DLG2: variants seen among roughly 807,000 people sequenced by gnomAD.
DLG2 encodes the protein discs large MAGUK scaffold protein 2.
Under a neutral mutation model 132.5 loss-of-function variants are expected in DLG2, and 45 were observed. The ratio of observed to expected loss-of-function variants is 0.34; its 90% CI spans 0.27 to 0.44. The LOEUF (loss-of-function observed/expected upper bound fraction) is 0.44, where lower values mean the gene tolerates loss of function less well. Among genes scored for constraint, DLG2 ranks in the 20% least tolerant of loss-of-function variants. The probability of loss-of-function intolerance (pLI) is 1.00; values close to 1 mark genes in which losing one functional copy is unlikely to be tolerated. For synonymous variants in DLG2, 424 were observed against 419.6 expected (o/e 1.01, Z -0.13); for missense variants, 1,045 against 1,196.9 (o/e 0.87, Z 1.87).
chr11:83,880,887 G>C (rs573774983), intron 15 of DLG2, among the ~76,000 whole-genome samples: 1 of 152,176 alleles, frequency 6.6e-6, no homozygotes, highest in Admixed American at 6.5e-5. Flanking sequence ...GATATTCCTT[G>C]CATCTTCAAC....
At chr11:84,542,373 T>A (rs565014433) in intron 6 of DLG2, among the ~76,000 whole-genome samples, 4 of 152,174 alleles carry the variant, frequency 2.6e-5, no homozygotes, top group Non-Finnish European at 5.9e-5. Context: ...AGCCTGACAT[T>A]AAAAAACTTG....
At chr11:84,766,147 G>C (rs2068383026) in intron 6 of DLG2, among the ~76,000 whole-genome samples, 1 of 151,976 alleles carries the variant, frequency 6.6e-6, no homozygotes, top group Admixed American at 6.6e-5. Context: ...TTGTGGAGAT[G>C]AACAGTTGAA....
intron 4 of DLG2, among the ~76,000 whole-genome samples, chr11:85,190,653 C>T (rs2080453666): frequency 6.6e-6 from 1 of 152,082 alleles, no homozygotes; most frequent in African/African-American, 2.4e-5. Flanking sequence ...TCCAAATAAA[C>T]ACAATCAGAA....
chr11:84,421,860 A>C (rs1190194584), intron 7 of DLG2, among the ~76,000 whole-genome samples: 1 of 152,100 alleles, frequency 6.6e-6, no homozygotes, highest in Non-Finnish European at 1.5e-5. Context: ...CTCGGAATGA[A>C]TCCCTCACCG....
rs111370302 is a variant in DLG2 at position 84,372,195 on chromosome 11, T to C, written c.520-120904A>G. On this transcript the variant is annotated intron_variant, in intron 7 of 27. Coordinates refer to ENST00000376104, the MANE Select transcript of DLG2 (RefSeq NM_001142699.3). ...TGGTAATGATGGAATCCAATCCAAT[T>C]AGAATTTTTAAAATTCAGAAAGCAT... Among the ~76,000 whole-genome samples the C allele has an allele frequency of 3.3e-5, 5 of 152,332 alleles. 1 individual carries two copies. Among genetic ancestry groups the C allele is most frequent in the African/African-American group, 1.2e-4 (5 of 41,602 alleles).
At chr11:85,000,040 C>A (rs1428666158) in intron 6 of DLG2, among the ~76,000 whole-genome samples, 1 of 151,964 alleles carries the variant, frequency 6.6e-6, no homozygotes, top group Non-Finnish European at 1.5e-5. Flanking sequence ...GTTAACTGAG[C>A]ATTATGTCTC....
chr11:85,182,927 G>T (rs1281546211), intron 4 of DLG2, among the ~76,000 whole-genome samples: 1 of 150,354 alleles, frequency 6.7e-6, no homozygotes, highest in African/African-American at 2.4e-5. Flanking sequence ...CACCCTAGTG[G>T]CCTGACAGAG....
Position 84,937,829 on chromosome 11 carries a change from A to G in DLG2, c.357+173832T>C, listed in dbSNP as rs181307313. On this transcript the variant is annotated intron_variant, in intron 6 of 27. Coordinates refer to ENST00000376104, the MANE Select transcript of DLG2 (RefSeq NM_001142699.3). ...TAGAAAATCTATAATATTTTGACAT[A>G]CTAGAAATATGACTAGTCTTAAAAG... is the stretch of plus-strand genomic sequence containing the variant. Among the ~76,000 whole-genome samples the G allele has an allele frequency of 2.1e-3, 316 of 152,314 alleles. 2 individuals are homozygous for G. Among genetic ancestry groups the G allele is most frequent in the African/African-American group, 7.5e-3 (310 of 41,570 alleles).
At chr11:84,189,788 A>C (rs1470879092) in intron 8 of DLG2, among the ~76,000 whole-genome samples, 1 of 152,154 alleles carries the variant, frequency 6.6e-6, no homozygotes, top group Admixed American at 6.6e-5. Flanking sequence ...ACATGGATAC[A>C]TCATGGTGAA....
intron 4 of DLG2, among the ~76,000 whole-genome samples, chr11:85,206,482 G>T (rs746878435): frequency 3.5e-4 from 54 of 152,212 alleles, no homozygotes; most frequent in Non-Finnish European, 6.8e-4. Context: ...AAAAAATTGA[G>T]TTATTGATAT....
chr11:84,455,896 G>A (rs769362724), intron 7 of DLG2, among the ~76,000 whole-genome samples: 27 of 151,172 alleles, frequency 1.8e-4, no homozygotes, highest in Admixed American at 4.0e-4. Context: ...GTTTCCTGTC[G>A]GCACAGCTCA....
At chr11:85,624,214 A>C (rs554995641) in intron 2 of DLG2, among the ~76,000 whole-genome samples, 1 of 152,358 alleles carries the variant, frequency 6.6e-6, no homozygotes, top group African/African-American at 2.4e-5. Flanking sequence ...CAGTAGTTTC[A>C]GCTTATCCAA....
intron 7 of DLG2, among the ~76,000 whole-genome samples, chr11:84,287,985 G>C (rs1267378300): frequency 6.4e-5 from 1 of 15,574 alleles, no homozygotes; most frequent in African/African-American, 1.8e-4. Flanking sequence ...AAACGGGAGA[G>C]AGCAGTCCTT....
chr11:85,334,438 A>C lies in DLG2; in HGVS notation c.41-49073T>G, dbSNP rs146818353. On this transcript the variant is annotated intron_variant, in intron 3 of 27. Transcript: ENST00000376104. ...TTTCATGTCTCAATTTTGTTGTATT[A>C]AGTTCTGATTTTTATTTCTCTTCTC... Among the ~76,000 whole-genome samples the C allele has an allele frequency of 2.2e-3, 331 of 151,922 alleles. 1 individual carries two copies. Among genetic ancestry groups the C allele is most frequent in the African/African-American group, 7.7e-3 (321 of 41,480 alleles).
intron 10 of DLG2, among the ~76,000 whole-genome samples, chr11:84,096,056 T>C (rs2097160979): frequency 6.6e-6 from 1 of 152,202 alleles, no homozygotes. Flanking sequence ...TGGGGGTTTT[T>C]AGGCAGAGAC....
At chr11:84,134,590 T>A (rs2094533294) in intron 9 of DLG2, among the ~76,000 whole-genome samples, 1 of 152,054 alleles carries the variant, frequency 6.6e-6, no homozygotes, top group Non-Finnish European at 1.5e-5. Context: ...AGCAGGGAAC[T>A]AGGTACAGTT....
At chr11:83,901,695 GACTAATACAGTTTCCATCTGACGGT>G (rs577478998) in intron 15 of DLG2, among the ~76,000 whole-genome samples, 97 of 152,260 alleles carry the variant, frequency 6.4e-4, no homozygotes, top group African/African-American at 2.2e-3. Flanking sequence ...GTGTGAAAAT[GACTAATACAGTTTCCATCTGACGGT>G]ACTAATACAG....
chr11:85,060,151 GT>G (rs1241612838), intron 6 of DLG2, among the ~76,000 whole-genome samples: 2 of 151,324 alleles, frequency 1.3e-5, no homozygotes, highest in Admixed American at 6.6e-5. Flanking sequence ...GTTTCAGTGA[GT>G]TTGGCGACTT....
At chr11:84,637,828 C>T (rs1421986479) in intron 6 of DLG2, among the ~76,000 whole-genome samples, 2 of 152,186 alleles carry the variant, frequency 1.3e-5, no homozygotes, top group Non-Finnish European at 2.9e-5. Context: ...ACATGACACC[C>T]TGGCCAAGTA....
Sources: gnomAD v4.1 joint callset for allele counts (sites outside exome capture counted in the v4.1 genomes callset) on GRCh38, gnomAD v4.1.1 for gene constraint, MANE v1.5 for transcripts, NCBI Gene and HGNC (gene_info 2026-07-23, HGNC 2026-07-21) for gene names.